PCDH15: variants seen among roughly 807,000 people sequenced by gnomAD.
PCDH15 encodes the protein protocadherin-15.
In PCDH15, 129 loss-of-function variants were observed where a neutral mutation model predicts 178.5. The observed-to-expected ratio is 0.72, with a 90% confidence interval of 0.63 to 0.84. The LOEUF (loss-of-function observed/expected upper bound fraction) is 0.84. Ranked by LOEUF, PCDH15 falls within the 40% of genes least tolerant of loss-of-function variation. The probability of loss-of-function intolerance (pLI) is 0.00; values close to 1 mark genes in which losing one functional copy is unlikely to be tolerated. For synonymous variants in PCDH15, 800 were observed against 732.0 expected (o/e 1.09, Z -1.50); for missense variants, 2,230 against 2,099.9 (o/e 1.06, Z -1.21).
chr10:54,742,249 C>G (rs1019823977), intron 1 of PCDH15, among the ~76,000 whole-genome samples: 1 of 152,100 alleles, frequency 6.6e-6, no homozygotes, highest in Non-Finnish European at 1.5e-5. Context: ...ATGTGGGAGA[C>G]TTTTCCAAAT....
chr10:54,794,126 G>GAT (rs532827234), intron 1 of PCDH15, among the ~76,000 whole-genome samples: 20 of 143,852 alleles, frequency 1.4e-4, no homozygotes, highest in Middle Eastern at 3.8e-3. Context: ...ATATATATAA[G>GAT]ATATATATAT....
chr10:55,095,767 T>G (rs1370933935), intron 2 of PCDH15, among the ~76,000 whole-genome samples: 1 of 152,140 alleles, frequency 6.6e-6, no homozygotes, highest in Non-Finnish European at 1.5e-5. Context: ...AAATTGTGCT[T>G]TATTTATCAT....
intron 1 of PCDH15, among the ~76,000 whole-genome samples, chr10:55,258,112 A>T (rs567002778): frequency 6.6e-6 from 1 of 152,288 alleles, no homozygotes; most frequent in Admixed American, 6.5e-5. Context: ...GACAGGTAAA[A>T]TATGCCTAGA....
intron 2 of PCDH15, among the ~76,000 whole-genome samples, chr10:54,994,181 G>A (rs757304609): frequency 2.0e-5 from 3 of 151,892 alleles, no homozygotes; most frequent in Non-Finnish European, 2.9e-5. Context: ...TTTTATTACC[G>A]CAACCTGGCT....
chr10:55,051,823 A>G (rs1308289512), intron 2 of PCDH15, among the ~76,000 whole-genome samples: 1 of 152,210 alleles, frequency 6.6e-6, no homozygotes, highest in Non-Finnish European at 1.5e-5. Context: ...ATTTGTTAGT[A>G]ATAAGAGAAA....
intron 19 of PCDH15, among the ~76,000 whole-genome samples, chr10:54,022,236 C>T (rs1337881893): frequency 2.0e-5 from 3 of 151,600 alleles, no homozygotes; most frequent in African/African-American, 7.3e-5. Context: ...ATGTTCAGGA[C>T]TGTGTAATTT....
chr10:54,536,566 G>A (rs548140888), intron 2 of PCDH15, among the ~76,000 whole-genome samples: 182 of 152,180 alleles, frequency 1.2e-3, no homozygotes, highest in Non-Finnish European at 1.0e-3. Context: ...ATACTGTAAG[G>A]TTTGGGATAT....
At chr10:55,592,009 G>A (rs2132132878) in intron 2 of PCDH15, among the ~76,000 whole-genome samples, 1 of 152,216 alleles carries the variant, frequency 6.6e-6, no homozygotes, top group Non-Finnish European at 1.5e-5. Context: ...AGATCTCACT[G>A]AAAGAATACC....
intron 1 of PCDH15, among the ~76,000 whole-genome samples, chr10:55,244,712 C>T (rs958799186): frequency 4.6e-5 from 7 of 151,312 alleles, no homozygotes; most frequent in African/African-American, 1.7e-4. Context: ...ATGGAATTCA[C>T]TAACATGAGA....
intron 3 of PCDH15, among the ~76,000 whole-genome samples, chr10:54,443,996 A>C (rs562593523): frequency 6.6e-6 from 1 of 151,688 alleles, no homozygotes; most frequent in African/African-American, 2.4e-5. Flanking sequence ...CAAAGTCTTC[A>C]TGTCTTCCTC....
intron 1 of PCDH15, among the ~76,000 whole-genome samples, chr10:54,677,583 G>A (rs537162166): frequency 7.9e-5 from 12 of 151,990 alleles, no homozygotes; most frequent in South Asian, 4.1e-4. Flanking sequence ...ATAAAATACC[G>A]TAAATAAATA....
intron 3 of PCDH15, among the ~76,000 whole-genome samples, chr10:54,501,367 GA>G (rs2080671681): frequency 6.6e-6 from 1 of 152,032 alleles, no homozygotes; most frequent in African/African-American, 2.4e-5. Flanking sequence ...ATGATATTCA[GA>G]ACAGACTAAA....
chr10:55,093,337 G>T (rs1160986042), intron 2 of PCDH15, among the ~76,000 whole-genome samples: 1 of 151,778 alleles, frequency 6.6e-6, no homozygotes, highest in Non-Finnish European at 1.5e-5. Context: ...AAATAATGGT[G>T]GTTTTTTTCA....
intron 3 of PCDH15, among the ~76,000 whole-genome samples, chr10:54,834,194 CTTT>C (rs1318880018): frequency 7.0e-6 from 1 of 143,862 alleles, no homozygotes. Context: ...TTTTTACTAC[CTTT>C]TTTTTTTTTT....
chr10:54,805,414 C>G (rs1457838549), upstream of PCDH15, among the ~76,000 whole-genome samples: 2 of 152,068 alleles, frequency 1.3e-5, no homozygotes, highest in Non-Finnish European at 2.9e-5. Flanking sequence ...AGTTGAGATT[C>G]AAAGCTGTTG....
intron 1 of PCDH15, among the ~76,000 whole-genome samples, chr10:55,283,253 A>T (rs1004183455): frequency 2.0e-5 from 3 of 151,990 alleles, no homozygotes; most frequent in African/African-American, 7.3e-5. Context: ...CGTGGCCCTT[A>T]CCCAAGAAAT....
At chr10:54,421,816 G>GTATATATATATATATATA (rs71185272) in intron 3 of PCDH15, among the ~76,000 whole-genome samples, 1 of 107,990 alleles carries the variant, frequency 9.3e-6, no homozygotes, top group African/African-American at 4.2e-5. Context: ...TGTAGTGTGT[G>GTATATATATATATATATA]TATATATATA....
chr10:54,441,320 G>T (rs1013046253), intron 3 of PCDH15, among the ~76,000 whole-genome samples: 9 of 151,880 alleles, frequency 5.9e-5, no homozygotes, highest in Non-Finnish European at 1.2e-4. Context: ...CCTAAATCAT[G>T]AGACTGCTGG....
At chr10:55,056,608 G>GTTT (rs1286777877) in intron 2 of PCDH15, among the ~76,000 whole-genome samples, 13 of 101,144 alleles carry the variant, frequency 1.3e-4, no homozygotes, top group African/African-American at 3.7e-4. Flanking sequence ...TTTTTATTTT[G>GTTT]TTTTATTATT....
Sources: gnomAD v4.1 joint callset for allele counts (sites outside exome capture counted in the v4.1 genomes callset) on GRCh38, gnomAD v4.1.1 for gene constraint, MANE v1.5 for transcripts, NCBI Gene and HGNC (gene_info 2026-07-23, HGNC 2026-07-21) for gene names.